The following MAP4K3 variants were observed in gnomAD, a reference collection of about 807,000 sequenced individuals.
The protein encoded by MAP4K3 is MAPK/ERK kinase kinase kinase 3.
A neutral mutation model predicts 143.5 loss-of-function variants in MAP4K3; 94 were observed. The ratio of observed to expected loss-of-function variants is 0.65; its 90% CI spans 0.55 to 0.78. The LOEUF (loss-of-function observed/expected upper bound fraction) is 0.78. Among genes scored for constraint, MAP4K3 ranks in the 30% least tolerant of loss-of-function variants. MAP4K3 has a pLI of 0.00. For missense variants in MAP4K3, 1,077 were observed against 1,068.1 expected, an observed-to-expected ratio of 1.01 and a Z score of -0.12; for synonymous variants, 416 against 347.2, an observed-to-expected ratio of 1.20 and a Z score of -2.20.
rs1573138170 is a variant in MAP4K3 at position 39,315,517 on chromosome 2, A to T, written c.919-129T>A. On this transcript the variant is annotated intron_variant, in intron 12 of 33. Coordinates refer to ENST00000263881, the MANE Select transcript of MAP4K3 (RefSeq NM_003618.4). Reference sequence around the variant, plus strand: ...ATGAAAGCAAAACAGCACTTTGCAAATTTTTTTTTTTTAAAAAAGCAAACC... The same window carrying T: ...ATGAAAGCAAAACAGCACTTTGCAATTTTTTTTTTTTTAAAAAAGCAAACC... 4.1e-5 allele frequency: 17 copies of T among 419,544 alleles called. No homozygotes were observed. The East Asian group carries it at 4.1e-4, about 10-fold the overall frequency. 26.0% of individuals were successfully genotyped at this position (419,544 alleles called of 1,614,324 possible). A position where few individuals can be genotyped will look rare whatever the true frequency, so the allele number is the denominator to read the frequency against.
intron 26 of MAP4K3, among the ~76,000 whole-genome samples, chr2:39,271,481 T>C (rs1489158674): frequency 6.6e-6 from 1 of 152,148 alleles, no homozygotes; most frequent in East Asian, 1.9e-4. Flanking sequence ...AGCTAGAAAA[T>C]CTTTCAGTCA....
intron 1 of MAP4K3, among the ~76,000 whole-genome samples, chr2:39,398,939 G>A (rs1666882901): frequency 6.6e-6 from 1 of 151,070 alleles, no homozygotes. Context: ...AGCTACTCGG[G>A]AGGCTGAGGC....
At chr2:39,278,052 C>T (rs905129539) in intron 24 of MAP4K3, among the ~76,000 whole-genome samples, 9 of 148,212 alleles carry the variant, frequency 6.1e-5, no homozygotes, top group East Asian at 2.0e-4. Flanking sequence ...GAGGCCGAGG[C>T]GGGCAGATCA....
At chr2:39,405,683 C>T (rs558445116) in intron 1 of MAP4K3, among the ~76,000 whole-genome samples, 15 of 152,216 alleles carry the variant, frequency 9.9e-5, no homozygotes, top group Admixed American at 3.3e-4. Flanking sequence ...GCTTGGGCAA[C>T]GTGTTGAAAT....
At chr2:39,255,406 T>A (rs949500724) in intron 31 of MAP4K3, among the ~76,000 whole-genome samples, 5 of 152,162 alleles carry the variant, frequency 3.3e-5, no homozygotes, top group African/African-American at 1.2e-4. Context: ...GAGGAATAAA[T>A]CTTATTTTGT....
intron 15 of MAP4K3, among the ~76,000 whole-genome samples, chr2:39,301,369 T>C (rs895999924): frequency 2.6e-5 from 4 of 152,370 alleles, no homozygotes; most frequent in Admixed American, 6.5e-5. Flanking sequence ...GATAAAATCA[T>C]TGTTATTACA....
At chr2:39,294,508 T>C (rs1682189629) in intron 16 of MAP4K3, among the ~76,000 whole-genome samples, 1 of 152,210 alleles carries the variant, frequency 6.6e-6, no homozygotes, top group African/African-American at 2.4e-5. Context: ...AAGCAGGAGC[T>C]TCTGTCTAGA....
intron 3 of MAP4K3, among the ~76,000 whole-genome samples, chr2:39,349,173 C>A (rs72927107): frequency 0.069 from 10,456 of 152,102 alleles, 1,229 homozygotes; most frequent in African/African-American, 0.24. Flanking sequence ...AATAATTCAA[C>A]CTTAATCATC....
At position 39,258,596 on chromosome 2, in the gene MAP4K3, C is replaced by A. The variant is rs762360974; in HGVS notation, c.2309-9G>T. 6.2e-7 allele frequency: 1 copy of A among 1,606,648 alleles called. No individual in the cohort carries two copies. The highest frequency in any genetic ancestry group is 1.1e-5 in the South Asian group (1 of 90,782). ...ATTTGTCTGTGGGGTATCTACAATACAAACAAATTTTGGTAAACCTACAGA... is the reference window on the plus strand; with the variant it reads ...ATTTGTCTGTGGGGTATCTACAATAAAAACAAATTTTGGTAAACCTACAGA... On this transcript the variant is annotated splice_polypyrimidine_tract_variant and intron_variant, in intron 29 of 33. Transcript: ENST00000263881.
At chr2:39,288,312 G>A (rs766427482) in intron 19 of MAP4K3, 32 bp from the exon 20 acceptor site, 1 of 1,588,976 alleles carries the variant, frequency 6.3e-7, no homozygotes, top group African/African-American at 1.3e-5. Flanking sequence ...GACCAACAAT[G>A]AAACATCAAA....
intron 1 of MAP4K3, among the ~76,000 whole-genome samples, chr2:39,408,776 A>C (rs2148615518): frequency 6.6e-6 from 1 of 152,316 alleles, no homozygotes; most frequent in African/African-American, 2.4e-5. Flanking sequence ...GTGCTTCTAA[A>C]GCAGTGCCAG....
Position 39,251,898 on chromosome 2 carries a change from A to C in MAP4K3, c.2542-13T>G, listed in dbSNP as rs1424289112. 1 of 1,603,706 alleles carries C rather than the reference A, an allele frequency of 6.2e-7. No homozygotes were observed. The highest frequency in any genetic ancestry group is 8.5e-7 in the Non-Finnish European group (1 of 1,171,902). On this transcript the variant is annotated splice_polypyrimidine_tract_variant and intron_variant, in intron 32 of 33. Coordinates refer to ENST00000263881, the MANE Select transcript of MAP4K3 (RefSeq NM_003618.4). ...TTTCTTGTGTTACCTGTTCAATTAA[A>C]ACACAAATTTAATTTCTGAAATTAA... is the stretch of plus-strand genomic sequence containing the variant.
intron 1 of MAP4K3, among the ~76,000 whole-genome samples, chr2:39,387,108 C>T (rs1003476340): frequency 2.6e-5 from 4 of 152,144 alleles, no homozygotes; most frequent in African/African-American, 4.8e-5. Context: ...GCCACCACCA[C>T]GCCCGGCCGA....
chr2:39,415,994 TATATATATATAA>T lies in MAP4K3; in HGVS notation c.96+20886_96+20897del, dbSNP rs1355524963. On this transcript the variant is annotated intron_variant, in intron 1 of 33. Transcript: ENST00000263881. ...AAAAAAAAAAAAATATATATATATA[TATATATATATAA>T]AAATAACATTTGGAAGAATAAATTC... Among the ~76,000 whole-genome samples the T allele has an allele frequency of 7.8e-5, 7 of 89,512 alleles. 1 individual carries two copies. The highest frequency in any genetic ancestry group is 2.5e-4 in the Admixed American group (2 of 7,994). The allele number at this position is 89,512 out of a possible 152,430, so 58.7% of individuals were successfully genotyped here. A position where few individuals can be genotyped will look rare whatever the true frequency, so the allele number is the denominator to read the frequency against.
chr2:39,311,325 C>T (rs571277948), intron 13 of MAP4K3, among the ~76,000 whole-genome samples: 15 of 152,218 alleles, frequency 9.9e-5, no homozygotes, highest in South Asian at 8.3e-4. Context: ...GTGATCCGCC[C>T]GCCTCGGCCT....
At chr2:39,294,071 A>G (rs564113187) in intron 16 of MAP4K3, 2 of 152,350 alleles carry the variant, frequency 1.3e-5, no homozygotes, top group East Asian at 3.9e-4. Context: ...TAAAGACTCG[A>G]TAGACTTCTC....
chr2:39,367,352 G>A (rs1665950494), intron 2 of MAP4K3, among the ~76,000 whole-genome samples: 1 of 152,052 alleles, frequency 6.6e-6, no homozygotes. Flanking sequence ...GACTAGCCTG[G>A]GCAACATGGT....
In MAP4K3 at chr2:39,395,783, A is replaced by G. The variant is rs1008731064; in HGVS notation, c.97-17660T>C. Among the ~76,000 whole-genome samples, 19 of 152,318 alleles carry G rather than the reference A, an allele frequency of 1.2e-4. No homozygotes were observed. The East Asian group carries it at 3.7e-3, about 29-fold the overall frequency. On this transcript the variant is annotated intron_variant, in intron 1 of 33. Coordinates refer to ENST00000263881, the MANE Select transcript of MAP4K3 (RefSeq NM_003618.4). Reference sequence around the variant, plus strand: ...TGCTACATTATAAAGGGCTCTGGAAAACACTATCAAATAATTCTTTCCATC... The same window carrying G: ...TGCTACATTATAAAGGGCTCTGGAAGACACTATCAAATAATTCTTTCCATC...
intron 1 of MAP4K3, among the ~76,000 whole-genome samples, chr2:39,425,157 A>C (rs72931140): frequency 0.091 from 13,759 of 151,426 alleles, 2,158 homozygotes; most frequent in African/African-American, 0.32. Flanking sequence ...AACCACAAAG[A>C]TTCTTACAGA....
Sources: gnomAD v4.1 joint callset for allele counts (sites outside exome capture counted in the v4.1 genomes callset) on GRCh38, gnomAD v4.1.1 for gene constraint, MANE v1.5 for transcripts, NCBI Gene and HGNC (gene_info 2026-07-23, HGNC 2026-07-21) for gene names.